CALD1: variants seen among roughly 807,000 people sequenced by gnomAD.
CALD1 encodes caldesmon 1.
CALD1 carries 33 observed loss-of-function variants against 99.9 expected under a neutral mutation model. The ratio of observed to expected loss-of-function variants is 0.33; its 90% confidence interval spans 0.25 to 0.44. The LOEUF is 0.44. Ranked by LOEUF, CALD1 falls within the 20% of genes least tolerant of loss-of-function variation. CALD1 has a pLI of 1.00. For missense variants in CALD1, 861 were observed against 962.1 expected (o/e 0.89, Z 1.39); for synonymous variants, 310 against 325.0 (o/e 0.95, Z 0.50).
chr7:134,836,051 A>C (rs1799422406), intron 1 of CALD1, among the ~76,000 whole-genome samples: 1 of 151,214 alleles, frequency 6.6e-6, no homozygotes. Context: ...AAGCTGAAGC[A>C]GGAGAATCAC....
rs114218331 is a variant in CALD1 at position 134,805,368 on chromosome 7, T to C, written c.-130+25619T>C. On this transcript the variant is annotated intron_variant, in intron 1 of 14. Transcript: ENST00000361675. The stretch of plus-strand genomic sequence containing the variant: ...TTGAGAGTTTCCTTAACTTTGGCTA[T>C]ATATTGTTTTTAGCCATAGTATTTT... 4.5e-3 allele frequency among the ~76,000 whole-genome samples: 679 copies of C among 152,316 alleles called. 4 individuals are homozygous for C. The highest frequency in any genetic ancestry group is 0.016 in the African/African-American group (656 of 41,578).
chr7:134,798,364 G>A (rs1349125227), intron 1 of CALD1, among the ~76,000 whole-genome samples: 2 of 152,180 alleles, frequency 1.3e-5, no homozygotes, highest in Non-Finnish European at 1.5e-5. Flanking sequence ...CCAGATGTTG[G>A]AACCCTCTTG....
At chr7:134,950,791 A>C (rs916440552) in intron 9 of CALD1, among the ~76,000 whole-genome samples, 1 of 152,158 alleles carries the variant, frequency 6.6e-6, no homozygotes, top group Admixed American at 6.5e-5. Flanking sequence ...CCCCATCTCT[A>C]CCAAAAATTC....
Position 134,772,600 on chromosome 7 carries a change from C to G in CALD1, c.-130+28237C>G, listed in dbSNP as rs140903439. 1.1e-3 allele frequency among the ~76,000 whole-genome samples: 172 copies of G among 152,302 alleles called. 1 individual carries two copies. Among genetic ancestry groups the G allele is most frequent in the African/African-American group, 3.8e-3 (158 of 41,564 alleles). ...ACATCATCTTTGTTTTGGTAAAAAT[C>G]AATGTGCAATATTTACATTCTTACG... is the stretch of plus-strand genomic sequence containing the variant. On this transcript the variant is annotated intron_variant, in intron 1 of 13. Transcript: ENST00000417172.
At chr7:134,799,318 T>C (rs1271756894) in intron 1 of CALD1, among the ~76,000 whole-genome samples, 1 of 152,176 alleles carries the variant, frequency 6.6e-6, no homozygotes, top group Non-Finnish European at 1.5e-5. Context: ...GAATTGGTCA[T>C]CTAAGTATAA....
rs372723795 is a variant in CALD1 at position 134,864,213 on chromosome 7, G to A, written c.-41-3480G>A. Among the ~76,000 whole-genome samples the A allele has an allele frequency of 9.9e-5, 15 of 151,978 alleles. No individual in the cohort carries two copies. The South Asian group carries it at 2.1e-3, about 21-fold the overall frequency. On this transcript the variant is annotated intron_variant, in intron 2 of 14. Transcript: ENST00000361675. ...AAAATAAAAATTAGCCGGGTGTGGC[G>A]GTATACACCTGTAATCCCAGGTACT...
chr7:134,751,788 C>T (rs1036636783), intron 1 of CALD1, among the ~76,000 whole-genome samples: 1 of 152,108 alleles, frequency 6.6e-6, no homozygotes, highest in Non-Finnish European at 1.5e-5. Flanking sequence ...CAAGCCTGGG[C>T]AACATGGCGA....
intron 1 of CALD1, among the ~76,000 whole-genome samples, chr7:134,785,093 G>A (rs1406885657): frequency 2.0e-5 from 3 of 152,180 alleles, no homozygotes; most frequent in African/African-American, 7.2e-5. Context: ...AAGAGAAATT[G>A]AGCATGGAAG....
At chr7:134,939,905 A>G (rs58397230) in intron 6 of CALD1, among the ~76,000 whole-genome samples, 5,964 of 152,202 alleles carry the variant, frequency 0.039, 376 homozygotes, top group African/African-American at 0.14. Flanking sequence ...TGGAAGCTGC[A>G]GTGAGCTGAG....
At chr7:134,847,681 G>A (rs555360355) in intron 2 of CALD1, among the ~76,000 whole-genome samples, 2 of 152,230 alleles carry the variant, frequency 1.3e-5, no homozygotes, top group South Asian at 2.1e-4. Flanking sequence ...GTGTTTCCCC[G>A]GCCAGGGAAT....
intron 3 of CALD1, among the ~76,000 whole-genome samples, chr7:134,917,385 G>A (rs1804289469): frequency 1.3e-5 from 2 of 151,998 alleles, no homozygotes; most frequent in African/African-American, 4.8e-5. Flanking sequence ...TTTTGTTCTT[G>A]TTGCCCAGGC....
chr7:134,933,986 G>C lies in CALD1; in HGVS notation c.1217G>C (p.Gly406Ala). ...KHAMQETKIK[G>A]EKVEQKIEGK... Reference sequence around the variant, plus strand: ...GCCATGCAAGAGACAAAGATAAAAGGGGAAAAGGTAGAACAGAAAATAGAA... The same window carrying C: ...GCCATGCAAGAGACAAAGATAAAAGCGGAAAAGGTAGAACAGAAAATAGAA... The change falls in exon 5 of 15, where the codon GGG (glycine) becomes GCG (alanine). Residue 406 changes from glycine (G) to alanine (A), a missense_variant. Transcript: ENST00000361675. The C allele has an allele frequency of 1.2e-6, 2 of 1,614,082 alleles. No homozygotes were observed. Among genetic ancestry groups the C allele is most frequent in the Non-Finnish European group, 1.7e-6 (2 of 1,180,000 alleles).
chr7:134,957,223 C>G (rs1339627777), intron 9 of CALD1, among the ~76,000 whole-genome samples: 9 of 152,068 alleles, frequency 5.9e-5, no homozygotes, highest in Non-Finnish European at 1.0e-4. Flanking sequence ...TGACCCTTGT[C>G]AAGTTAGGAA....
At position 134,767,401 on chromosome 7, in the gene CALD1, C is replaced by A. The variant is rs1411037668; in HGVS notation, c.-130+23038C>A. The stretch of plus-strand genomic sequence containing the variant: ...AAATAGTCTATCCCCCAAGAGAAAT[C>A]TCTAGCTTCTTGCCTCTCAGATGAC... On this transcript the variant is annotated intron_variant, in intron 1 of 13. Transcript: ENST00000417172. Among the ~76,000 whole-genome samples the A allele has an allele frequency of 2.6e-5, 4 of 152,212 alleles. No individual in the cohort carries two copies. In the East Asian group the frequency reaches 5.8e-4, roughly 22 times the overall value.
rs1234940396 is a variant in CALD1 at position 134,773,516 on chromosome 7, C to A, written c.-130+29153C>A. 3.9e-5 allele frequency among the ~76,000 whole-genome samples: 6 copies of A among 152,268 alleles called. No homozygotes were observed. In the South Asian group the frequency reaches 1.2e-3, roughly 32 times the overall value. On this transcript the variant is annotated intron_variant, in intron 1 of 13. Coordinates refer to the CALD1 transcript ENST00000417172. Reference sequence around the variant, plus strand: ...CTTGAACTCCTAGGCTCCTTCTTCTCAGCCTCCCAAAGGGCTGGGATTACA... The same window carrying A: ...CTTGAACTCCTAGGCTCCTTCTTCTAAGCCTCCCAAAGGGCTGGGATTACA...
upstream of CALD1, among the ~76,000 whole-genome samples, chr7:134,776,742 T>G (rs1471740671): frequency 6.6e-6 from 1 of 152,188 alleles, no homozygotes; most frequent in Non-Finnish European, 1.5e-5. Flanking sequence ...AAAGTAGGCA[T>G]TTTAAGGTGG....
chr7:134,843,211 T>C (rs1288131520), intron 1 of CALD1, among the ~76,000 whole-genome samples: 1 of 152,188 alleles, frequency 6.6e-6, no homozygotes, highest in Non-Finnish European at 1.5e-5. Context: ...CATCTGTGTG[T>C]CGGGCACTGC....
chr7:134,793,818 CA>C (rs1240698301), intron 1 of CALD1, among the ~76,000 whole-genome samples: 39 of 148,690 alleles, frequency 2.6e-4, no homozygotes, highest in African/African-American at 9.5e-4. Context: ...ATTTATGTAC[CA>C]TTTTTTTTTT....
intron 1 of CALD1, among the ~76,000 whole-genome samples, chr7:134,791,528 T>G (rs564028257): frequency 1.3e-5 from 2 of 152,236 alleles, no homozygotes; most frequent in East Asian, 3.9e-4. Context: ...AGTAACCAAC[T>G]TTATGAAGGG....
Sources: allele counts gnomAD v4.1 joint callset (sites outside exome capture counted in the v4.1 genomes callset), GRCh38; gene constraint gnomAD v4.1.1; transcripts MANE v1.5; gene names NCBI Gene and HGNC (gene_info 2026-07-23, HGNC 2026-07-21).